The following PCSK2 variants were observed in gnomAD, a reference collection of about 807,000 sequenced individuals.
PCSK2 encodes the protein neuroendocrine convertase 2.
A neutral mutation model predicts 69.7 loss-of-function variants in PCSK2; 14 were observed. The observed-to-expected ratio is 0.20, with a 90% CI of 0.13 to 0.31. PCSK2 has a LOEUF of 0.31. Among genes scored for constraint, PCSK2 ranks in the 10% least tolerant of loss-of-function variants. PCSK2 has a pLI of 1.00. For synonymous variants in PCSK2, 307 were observed against 320.7 expected (o/e 0.96, Z 0.46); for missense variants, 544 against 842.5 (o/e 0.65, Z 4.39).
At chr20:17,399,022 G>T (rs1192789337) in intron 5 of PCSK2, among the ~76,000 whole-genome samples, 1 of 152,164 alleles carries the variant, frequency 6.6e-6, no homozygotes, top group African/African-American at 2.4e-5. Flanking sequence ...GGGGCAAACA[G>T]TTGGTGCTCA....
At chr20:17,460,767 T>C (rs2033001728) in intron 10 of PCSK2, among the ~76,000 whole-genome samples, 1 of 152,238 alleles carries the variant, frequency 6.6e-6, no homozygotes, top group African/African-American at 2.4e-5. Flanking sequence ...TTGAGGTCAA[T>C]ACTTAGGAAA....
chr20:17,335,015 T>A (rs1371489407), intron 2 of PCSK2, among the ~76,000 whole-genome samples: 3 of 152,356 alleles, frequency 2.0e-5, no homozygotes, highest in African/African-American at 7.2e-5. Flanking sequence ...ATTTCTTCAT[T>A]CGTAGAATGG....
intron 2 of PCSK2, among the ~76,000 whole-genome samples, chr20:17,282,179 T>G (rs562055609): frequency 2.0e-5 from 3 of 152,220 alleles, no homozygotes; most frequent in African/African-American, 7.2e-5. Flanking sequence ...GGATTTATGT[T>G]TATATAGCTG....
intron 1 of PCSK2, among the ~76,000 whole-genome samples, chr20:17,253,090 A>C (rs1239473092): frequency 6.6e-6 from 1 of 152,220 alleles, no homozygotes; most frequent in African/African-American, 2.4e-5. Flanking sequence ...AAGTGTTCAT[A>C]ATCTACGACT....
intron 2 of PCSK2, among the ~76,000 whole-genome samples, chr20:17,356,991 A>C (rs1192287983): frequency 2.6e-5 from 4 of 152,144 alleles, no homozygotes; most frequent in Non-Finnish European, 4.4e-5. Context: ...CCCCAAATAC[A>C]CTGGGGAGAT....
chr20:17,359,973 C>T (rs1056227377), intron 3 of PCSK2, among the ~76,000 whole-genome samples: 1 of 152,172 alleles, frequency 6.6e-6, no homozygotes, highest in African/African-American at 2.4e-5. Flanking sequence ...AGAACATGCA[C>T]TAAAGGTGAG....
intron 2 of PCSK2, among the ~76,000 whole-genome samples, chr20:17,329,375 T>C (rs1021672115): frequency 6.6e-6 from 1 of 152,220 alleles, no homozygotes; most frequent in Non-Finnish European, 1.5e-5. Context: ...AACATCTTGA[T>C]TGCCTTACAA....
intron 2 of PCSK2, among the ~76,000 whole-genome samples, chr20:17,337,476 C>G (rs1990385997): frequency 6.6e-6 from 1 of 152,114 alleles, no homozygotes; most frequent in African/African-American, 2.4e-5. Flanking sequence ...TTCATTTAAC[C>G]CTCAGCTGTA....
At chr20:17,354,208 A>G (rs1202613464) in intron 2 of PCSK2, among the ~76,000 whole-genome samples, 1 of 152,244 alleles carries the variant, frequency 6.6e-6, no homozygotes, top group Non-Finnish European at 1.5e-5. Context: ...GATACCCAGT[A>G]ACAAAGACTT....
intron 2 of PCSK2, among the ~76,000 whole-genome samples, chr20:17,333,843 A>G (rs994446401): frequency 2.7e-5 from 4 of 147,568 alleles, no homozygotes; most frequent in African/African-American, 7.4e-5. Context: ...GTGCTAGCAC[A>G]TGGAAGTTAT....
chr20:17,301,019 A>G (rs1989062170), intron 2 of PCSK2, among the ~76,000 whole-genome samples: 1 of 152,216 alleles, frequency 6.6e-6, no homozygotes, highest in Non-Finnish European at 1.5e-5. Flanking sequence ...AACTTAATGA[A>G]GATGTAGTCA....
intron 2 of PCSK2, among the ~76,000 whole-genome samples, chr20:17,279,218 C>T (rs981774074): frequency 6.6e-6 from 1 of 152,094 alleles, no homozygotes; most frequent in African/African-American, 2.4e-5. Flanking sequence ...TTTTAATCTG[C>T]GTTCAAATCA....
chr20:17,245,529 AG>A (rs1568568060), intron 1 of PCSK2, among the ~76,000 whole-genome samples: 1 of 152,174 alleles, frequency 6.6e-6, no homozygotes, highest in African/African-American at 2.4e-5. Context: ...GATGTTTGGG[AG>A]TAGTTAACTT....
intron 2 of PCSK2, among the ~76,000 whole-genome samples, chr20:17,320,214 T>G (rs2123129526): frequency 6.6e-6 from 1 of 152,320 alleles, no homozygotes; most frequent in African/African-American, 2.4e-5. Context: ...GCAAAAGGTG[T>G]ATGCCCAGGA....
chr20:17,257,686 T>C (rs1171345468), intron 1 of PCSK2, among the ~76,000 whole-genome samples: 1 of 152,190 alleles, frequency 6.6e-6, no homozygotes, highest in East Asian at 1.9e-4. Flanking sequence ...ATATCCTCAA[T>C]TCTCAAGCAG....
intron 6 of PCSK2, among the ~76,000 whole-genome samples, chr20:17,422,654 AAAG>A (rs1204518787): frequency 3.3e-5 from 5 of 152,122 alleles, no homozygotes; most frequent in South Asian, 2.1e-4. Flanking sequence ...GAATGAAGAT[AAAG>A]AAGAAGAAGA....
chr20:17,272,880 C>T (rs184669931), intron 2 of PCSK2, among the ~76,000 whole-genome samples: 1 of 152,086 alleles, frequency 6.6e-6, no homozygotes. Flanking sequence ...GTATATGGCT[C>T]TCTGAGAAAT....
At chr20:17,387,927 T>C (rs1279330630) in intron 5 of PCSK2, among the ~76,000 whole-genome samples, 3 of 152,190 alleles carry the variant, frequency 2.0e-5, no homozygotes, top group Admixed American at 2.0e-4. Flanking sequence ...TAAATGTGTT[T>C]AATATGGAGA....
chr20:17,255,399 T>A (rs572257117), intron 1 of PCSK2, among the ~76,000 whole-genome samples: 81 of 151,954 alleles, frequency 5.3e-4, no homozygotes, highest in Non-Finnish European at 1.1e-3. Context: ...TGGAGTGCAA[T>A]GGCGCAATCT....
Sources: allele counts gnomAD v4.1 joint callset (sites outside exome capture counted in the v4.1 genomes callset), GRCh38; gene constraint gnomAD v4.1.1; transcripts MANE v1.5; gene names NCBI Gene and HGNC (gene_info 2026-07-23, HGNC 2026-07-21).